PCDHGA5: variants seen among roughly 807,000 people sequenced by gnomAD.
PCDHGA5 encodes the protein protocadherin gamma subfamily A, 5.
Under a neutral mutation model 56.7 loss-of-function variants are expected in PCDHGA5, and 36 were observed. The observed-to-expected ratio is 0.64, with a 90% CI of 0.49 to 0.84. The LOEUF (loss-of-function observed/expected upper bound fraction) is 0.84, where lower values mean the gene tolerates loss of function less well. Among genes scored for constraint, PCDHGA5 ranks in the 40% least tolerant of loss-of-function variants. The pLI, the probability that PCDHGA5 is intolerant of heterozygous loss-of-function variation, is 0.00. For missense variants in PCDHGA5, 1,305 were observed against 1,201.5 expected (o/e 1.09, Z -1.27); for synonymous variants, 563 against 520.2 (o/e 1.08, Z -1.12).
At chr5:141,438,591 C>CATATATATAT (rs946798767) in intron 1 of PCDHGA5, among the ~76,000 whole-genome samples, 17 of 75,552 alleles carry the variant, frequency 2.3e-4, no homozygotes, top group Non-Finnish European at 3.8e-4. Context: ...TACATACATA[C>CATATATATAT]ATATATATAT....
chr5:141,389,628 C>T (rs2091851910), intron 1 of PCDHGA5: 1 of 1,613,000 alleles, frequency 6.2e-7, no homozygotes, highest in Non-Finnish European at 8.5e-7. Context: ...CGCTGCAGAG[C>T]CTGGCTACTT....
At chr5:141,414,677 AG>A in intron 1 of PCDHGA5, 1 of 1,613,794 alleles carries the variant, frequency 6.2e-7, no homozygotes, top group Non-Finnish European at 8.5e-7. Context: ...GACACCATCC[AG>A]GGGGTACCTC....
rs1457711809 is a variant in PCDHGA5 at position 141,365,833 on chromosome 5, G to T, written c.1503G>T (p.Leu501Phe). 2 of 1,613,920 alleles carry T rather than the reference G, an allele frequency of 1.2e-6. No homozygotes were observed. Among genetic ancestry groups the T allele is most frequent in the Non-Finnish European group, 8.5e-7 (1 of 1,179,886 alleles). ...LAEDTFQGAP[L>F]SSYVSINSDT... ...AAGACACATTTCAGGGGGCGCCCTT[G>T]TCCTCCTATGTATCCATTAACTCTG... The change falls in exon 1 of 4, where the codon TTG becomes TTT. Residue 501 changes from leucine (L) to phenylalanine (F), a missense_variant. Physicochemically the swap from Leu to Phe is conservative, Grantham distance 22. Transcript: ENST00000518069.
chr5:141,446,594 A>G (rs571957656), intron 1 of PCDHGA5, among the ~76,000 whole-genome samples: 8 of 152,136 alleles, frequency 5.3e-5, no homozygotes, highest in African/African-American at 1.9e-4. Flanking sequence ...CTTCTGCCTC[A>G]GCCTCCTGAG....
intron 1 of PCDHGA5, chr5:141,478,023 A>G (rs2099428714): frequency 6.2e-7 from 1 of 1,614,112 alleles, no homozygotes; most frequent in South Asian, 1.1e-5. Flanking sequence ...CCAGTCCAAG[A>G]CACAGATTCA....
chr5:141,427,370 G>A (rs915167509), intron 1 of PCDHGA5: 17 of 457,836 alleles, frequency 3.7e-5, no homozygotes, highest in African/African-American at 2.4e-4. Flanking sequence ...AACCCTGGAC[G>A]GTGATCACTC....
At chr5:141,440,115 A>G (rs921555018) in intron 1 of PCDHGA5, 4 of 152,250 alleles carry the variant, frequency 2.6e-5, no homozygotes, top group African/African-American at 4.8e-5. Flanking sequence ...TTACTTGTGA[A>G]TGACTGAATG....
chr5:141,437,800 C>G (rs963856257), intron 1 of PCDHGA5, among the ~76,000 whole-genome samples: 1 of 150,744 alleles, frequency 6.6e-6, no homozygotes, highest in African/African-American at 2.4e-5. Flanking sequence ...TGCAGTGGCA[C>G]TATCTTGGCT....
At chr5:141,472,998 GAAAGAA>G (rs1489589280) in intron 1 of PCDHGA5, among the ~76,000 whole-genome samples, 8 of 134,744 alleles carry the variant, frequency 5.9e-5, no homozygotes, top group South Asian at 2.3e-4. Flanking sequence ...AAAAAAAAAA[GAAAGAA>G]AAAGAAAAAG....
intron 1 of PCDHGA5, among the ~76,000 whole-genome samples, chr5:141,484,544 A>G (rs1160398392): frequency 6.6e-6 from 1 of 152,144 alleles, no homozygotes; most frequent in Non-Finnish European, 1.5e-5. Flanking sequence ...CAGTGGTTCT[A>G]ATTAGCAGTT....
Position 141,491,815 on chromosome 5 carries a change from C to T in PCDHGA5, c.2422-2992C>T. The T allele has an allele frequency of 6.7e-7, 1 of 1,485,264 alleles. No individual in the cohort carries two copies. Among genetic ancestry groups the T allele is most frequent in the African/African-American group, 1.4e-5 (1 of 70,622 alleles). The allele number at this position is 1,485,264 out of a possible 1,614,324, so 92.0% of individuals were successfully genotyped here. ...CCTCTCCGGCCGGCTTGGTCGCTGGCTGCGCTCCACCCGATTCTCGGGATC... is the reference window on the plus strand; with the variant it reads ...CCTCTCCGGCCGGCTTGGTCGCTGGTTGCGCTCCACCCGATTCTCGGGATC... On this transcript the variant is annotated intron_variant, in intron 1 of 3. Coordinates refer to ENST00000518069, the MANE Select transcript of PCDHGA5 (RefSeq NM_018918.3). This position sits in a 1 kb window ranked among gnomAD's most constrained non-coding sequence, Gnocchi z 6.9.
intron 2 of PCDHGA5, among the ~76,000 whole-genome samples, chr5:141,502,865 T>C (rs538731947): frequency 3.0e-5 from 4 of 131,428 alleles, no homozygotes; most frequent in Non-Finnish European, 6.3e-5. Context: ...TGACTCTCTG[T>C]CTTTTTTTTT....
intron 1 of PCDHGA5, among the ~76,000 whole-genome samples, chr5:141,460,050 C>T (rs1477206197): frequency 6.6e-6 from 1 of 152,064 alleles, no homozygotes; most frequent in Non-Finnish European, 1.5e-5. Context: ...TGCACTCCAG[C>T]CTGGGCAACA....
In PCDHGA5 at chr5:141,364,612, G is replaced by C. The variant is rs1260914671; in HGVS notation, c.282G>C (p.Glu94Asp). The C allele has an allele frequency of 4.3e-6, 7 of 1,614,178 alleles. No individual in the cohort carries two copies. Among genetic ancestry groups the C allele is most frequent in the Non-Finnish European group, 5.9e-6 (7 of 1,179,992 alleles). Residue 94 changes from glutamate to aspartate, a missense_variant, in exon 1 of 4, where the codon GAG (glutamate) becomes GAC (aspartate). Coordinates refer to ENST00000518069, the MANE Select transcript of PCDHGA5 (RefSeq NM_018918.3). ...CCGCGGGCAGGATAGACCGGGAGGAGCTCTGCGCTCAGAGCCCACTGTGTG... is the reference window on the plus strand; with the variant it reads ...CCGCGGGCAGGATAGACCGGGAGGACCTCTGCGCTCAGAGCCCACTGTGTG... ...LVTAGRIDRE[E>D]LCAQSPLCVV...
intron 1 of PCDHGA5, chr5:141,415,791 C>CTTT: frequency 1.5e-6 from 2 of 1,341,938 alleles, no homozygotes; most frequent in Non-Finnish European, 1.9e-6. Flanking sequence ...GTAAAATTCA[C>CTTT]CTAGTCTCAA....
intron 1 of PCDHGA5, chr5:141,372,130 C>G (rs1434489801): frequency 1.2e-6 from 2 of 1,613,648 alleles, no homozygotes; most frequent in Non-Finnish European, 1.7e-6. Context: ...GATATGGTGC[C>G]GCGCTCTGCA....
intron 1 of PCDHGA5, chr5:141,367,040 T>C: frequency 2.8e-6 from 1 of 353,316 alleles, no homozygotes; most frequent in Non-Finnish European, 5.1e-6. Flanking sequence ...TGCAGTTCTA[T>C]TAATAGAAAA....
At chr5:141,408,912 A>G (rs772751015) in intron 1 of PCDHGA5, 4 of 1,613,594 alleles carry the variant, frequency 2.5e-6, no homozygotes, top group Middle Eastern at 1.6e-4. Flanking sequence ...GATACCAATG[A>G]TAACCCCCCG....
chr5:141,474,244 A>G (rs910247549), intron 1 of PCDHGA5, among the ~76,000 whole-genome samples: 26 of 152,270 alleles, frequency 1.7e-4, no homozygotes, highest in Non-Finnish European at 3.2e-4. Context: ...TGAATAGGGG[A>G]AAAAAAGACT....
Sources: gnomAD v4.1 joint callset for allele counts (sites outside exome capture counted in the v4.1 genomes callset) on GRCh38, gnomAD v4.1.1 for gene constraint, Gnocchi (gnomAD v3.1) non-coding constraint, MANE v1.5 for transcripts, NCBI Gene and HGNC (gene_info 2026-07-23, HGNC 2026-07-21) for gene names.